CFAP57: variants seen among roughly 807,000 people sequenced by gnomAD.
CFAP57 encodes the protein cilia- and flagella-associated protein 57.
Under a neutral mutation model 146.8 loss-of-function variants are expected in CFAP57, and 116 were observed. The ratio of observed to expected loss-of-function variants is 0.79; its 90% CI spans 0.68 to 0.92. The LOEUF (loss-of-function observed/expected upper bound fraction) is 0.92. Among genes scored for constraint, CFAP57 ranks in the 40% least tolerant of loss-of-function variants. CFAP57 has a pLI of 0.00. For synonymous variants in CFAP57, 518 were observed against 552.8 expected, an observed-to-expected ratio of 0.94 and a Z score of 0.88; for missense variants, 1,377 against 1,527.2, an observed-to-expected ratio of 0.90 and a Z score of 1.64.
rs1644361640 is a variant in CFAP57, at chr1:43,206,501, A to G, written c.1543-219A>G. 6 of 577,074 alleles carry G rather than the reference A, an allele frequency of 1.0e-5. No individual in the cohort carries two copies. In the East Asian group the frequency reaches 1.7e-4, roughly 16 times the overall value. 35.7% of individuals were successfully genotyped at this position (577,074 alleles called of 1,614,324 possible). A position where few individuals can be genotyped will look rare whatever the true frequency, so the allele number is the denominator to read the frequency against. On this transcript the variant is annotated intron_variant, in intron 9 of 22. Transcript: ENST00000372492. The stretch of plus-strand genomic sequence containing the variant: ...CAGTCTTTACGTTCATAAAGTGAAA[A>G]AGAAATGAGAGTGTTTCATCTTCAG...
chr1:43,218,388 C>T (rs1171849746), intron 12 of CFAP57, among the ~76,000 whole-genome samples: 2 of 152,038 alleles, frequency 1.3e-5, no homozygotes, highest in African/African-American at 4.8e-5. Context: ...CTGCTTGAGC[C>T]CAAGAGTTCG....
At chr1:43,245,249 C>T (rs1342396451) in intron 22 of CFAP57, among the ~76,000 whole-genome samples, 1 of 151,424 alleles carries the variant, frequency 6.6e-6, no homozygotes, top group Non-Finnish European at 1.5e-5. Context: ...TCACCTGAAC[C>T]TCAGAGGTTC....
intron 4 of CFAP57, 109 bp from the exon 5 acceptor site, chr1:43,185,039 AT>A: frequency 8.5e-7 from 1 of 1,181,386 alleles, no homozygotes; most frequent in Non-Finnish European, 1.2e-6. Flanking sequence ...AAAGGGGATC[AT>A]TGGGTGGTTT....
chr1:43,203,457 AATATATATTTAT>A (rs993672076), intron 9 of CFAP57, among the ~76,000 whole-genome samples: 2 of 152,058 alleles, frequency 1.3e-5, no homozygotes, highest in Admixed American at 1.3e-4. Context: ...CACAGATAGA[AATATATATTTAT>A]ATATATATTT....
chr1:43,192,867 C>T (rs187543132), intron 6 of CFAP57, among the ~76,000 whole-genome samples: 185 of 149,406 alleles, frequency 1.2e-3, no homozygotes, highest in Non-Finnish European at 2.1e-3. Flanking sequence ...GTGGAGGTTG[C>T]GGTGAGCCGA....
intron 9 of CFAP57, 25 bp downstream of exon 9, chr1:43,199,528 G>A: frequency 3.1e-6 from 5 of 1,610,382 alleles, no homozygotes; most frequent in Non-Finnish European, 4.2e-6. Context: ...AGTCTCTGGG[G>A]AAACAAGGGG....
chr1:43,197,610 G>C lies in CFAP57; in HGVS notation c.1180G>C (p.Gly394Arg), dbSNP rs371546643. 5 of 1,613,904 alleles carry C rather than the reference G, an allele frequency of 3.1e-6. No individual in the cohort carries two copies. Among genetic ancestry groups the C allele is most frequent in the African/African-American group, 2.7e-5 (2 of 74,834 alleles). Residue 394 changes from glycine to arginine, a missense_variant, in exon 7 of 23, where the codon GGT (glycine) becomes CGT (arginine). Transcript: ENST00000372492. ...MYPLHSAPIT[G>R]LATCIRKPLI... The stretch of plus-strand genomic sequence containing the variant: ...TCCATTGCACTCAGCACCCATCACC[G>C]GTCTAGCTACCTGCATCCGCAAACC...
chr1:43,214,978 T>C (rs2124524120), intron 11 of CFAP57, among the ~76,000 whole-genome samples: 1 of 152,376 alleles, frequency 6.6e-6, no homozygotes, highest in Middle Eastern at 3.4e-3. Context: ...TTGTTTGGCT[T>C]TTTTACTGTT....
intron 12 of CFAP57, 143 bp downstream of exon 12, chr1:43,215,559 C>A (rs1342295639): frequency 1.7e-5 from 16 of 957,320 alleles, no homozygotes; most frequent in Non-Finnish European, 2.3e-5. Flanking sequence ...CATCTGCTGT[C>A]CCCACAACCA....
At chr1:43,206,182 A>C (rs1644348550) in intron 9 of CFAP57, among the ~76,000 whole-genome samples, 1 of 151,950 alleles carries the variant, frequency 6.6e-6, no homozygotes, top group Non-Finnish European at 1.5e-5. Context: ...GCTATTCTCA[A>C]ACTGCTGGGC....
In CFAP57 at chr1:43,222,246, C is replaced by A; in HGVS notation, c.2483C>A (p.Thr828Asn). Residue 828 changes from threonine to asparagine, a missense_variant, in exon 15 of 23, where the codon ACT becomes AAT. Physicochemically the swap from Thr to Asn is moderately conservative, Grantham distance 65. Transcript: ENST00000372492. ...ETKSQALEEL[T>N]EFYEAKLQEK... ...AAGAGCCAGGCCCTGGAGGAGCTGA[C>A]TGAGTTTTACGAGGCAAAACTGCAG... 2 of 1,484,068 alleles carry A rather than the reference C, an allele frequency of 1.3e-6. No individual in the cohort carries two copies. The highest frequency in any genetic ancestry group is 1.8e-6 in the Non-Finnish European group (2 of 1,113,468). The allele number at this position is 1,484,068 out of a possible 1,614,324, so 91.9% of individuals were successfully genotyped here.
At chr1:43,239,699 G>T (rs910528781) in intron 21 of CFAP57, among the ~76,000 whole-genome samples, 2 of 152,192 alleles carry the variant, frequency 1.3e-5, no homozygotes, top group Admixed American at 6.5e-5. Flanking sequence ...TTATTCTGAT[G>T]ATTGTTATTG....
chr1:43,172,933 A>G (rs770588775), intron 2 of CFAP57, 23 bp downstream of exon 2: 23 of 1,603,734 alleles, frequency 1.4e-5, no homozygotes, highest in East Asian at 2.2e-5. Flanking sequence ...CCATCCTGAC[A>G]TATACAGGAA....
intron 5 of CFAP57, 86 bp downstream of exon 5, chr1:43,185,442 T>G: frequency 1.6e-6 from 2 of 1,250,986 alleles, no homozygotes; most frequent in Non-Finnish European, 2.3e-6. Flanking sequence ...AGGCATCTGA[T>G]GGGGAGGGAT....
Position 43,186,761 on chromosome 1 carries a change from C to T in CFAP57, c.1024C>T (p.Leu342Phe). The stretch of plus-strand genomic sequence containing the variant: ...AAGTCAGTCTGACAAACAGGACGTT[C>T]TCTGCCTGTGCTTCAGCCCCTCAGA... ...DPSQSDKQDV[L>F]CLCFSPSEET... is the part of the protein sequence containing the mutation. Residue 342 changes from leucine (L) to phenylalanine (F), a missense_variant, in exon 6 of 23, where the codon CTC (leucine) becomes TTC (phenylalanine). By Grantham distance (22) the Leu-to-Phe change is conservative (BLOSUM62 0). Transcript: ENST00000372492. 1 of 1,614,176 alleles carries T rather than the reference C, an allele frequency of 6.2e-7. No individual in the cohort carries two copies. The highest frequency in any genetic ancestry group is 1.3e-5 in the African/African-American group (1 of 75,030).
rs1013599558 is a variant in CFAP57 at position 43,224,094 on chromosome 1, A to T, written c.2755A>T (p.Thr919Ser). 1 of 1,550,548 alleles carries T rather than the reference A, an allele frequency of 6.4e-7. No homozygotes were observed. Among genetic ancestry groups the T allele is most frequent in the African/African-American group, 1.4e-5 (1 of 73,146 alleles). ...TGAAGAACGAACCAATGACATCGAG[A>T]CCCTAAAAGGAGAGCAGATGAAGCT... ...EIEERTNDIETLKGEQMKLQG... is the reference protein window; with the variant it reads ...EIEERTNDIESLKGEQMKLQG... The change falls in exon 17 of 23, where the codon ACC becomes TCC. Residue 919 changes from threonine (T) to serine (S), a missense_variant. By Grantham distance (58) the Thr-to-Ser change is moderately conservative. Transcript: ENST00000372492.
chr1:43,185,678 C>CAAAA (rs57421849), intron 5 of CFAP57, among the ~76,000 whole-genome samples: 1 of 65,672 alleles, frequency 1.5e-5, no homozygotes, highest in African/African-American at 5.1e-5. Context: ...CCCATCTCTA[C>CAAAA]AAAAAAAAAA....
At chr1:43,221,591 A>C in intron 14 of CFAP57, 126 bp downstream of exon 14, 1 of 556,564 alleles carries the variant, frequency 1.8e-6, no homozygotes, top group Middle Eastern at 3.5e-4. Flanking sequence ...AACAGGCTAC[A>C]TGTATCCCCT....
chr1:43,216,290 A>G (rs1463427644), intron 12 of CFAP57, among the ~76,000 whole-genome samples: 4 of 152,206 alleles, frequency 2.6e-5, no homozygotes, highest in African/African-American at 9.7e-5. Flanking sequence ...CAGAGCAGCA[A>G]TACAACACTG....
Sources: allele counts gnomAD v4.1 joint callset (sites outside exome capture counted in the v4.1 genomes callset), GRCh38; gene constraint gnomAD v4.1.1; transcripts MANE v1.5; gene names NCBI Gene and HGNC (gene_info 2026-07-23, HGNC 2026-07-21).